The following ZFHX4 variants were observed in gnomAD, a reference collection of about 807,000 sequenced individuals.
The protein encoded by ZFHX4 is zinc finger homeobox 4, also known as zinc finger homeobox protein 4.
A neutral mutation model predicts 267.6 loss-of-function variants in ZFHX4; 56 were observed. The ratio of observed to expected loss-of-function variants is 0.21; its 90% CI spans 0.17 to 0.26. The LOEUF is 0.26. Ranked by LOEUF, ZFHX4 falls within the 10% of genes least tolerant of loss-of-function variation. The pLI is 1.00. For synonymous variants in ZFHX4, 1,778 were observed against 1,665.6 expected (o/e 1.07, Z -1.64); for missense variants, 4,332 against 4,420.0 (o/e 0.98, Z 0.56).
At chr8:76,783,486 TAA>T (rs1352302740) in intron 4 of ZFHX4, among the ~76,000 whole-genome samples, 1 of 152,016 alleles carries the variant, frequency 6.6e-6, no homozygotes, top group African/African-American at 2.4e-5. Context: ...TTTCTTTTTT[TAA>T]AAAAGTACAT....
chr8:76,768,138 G>A (rs11778332), intron 3 of ZFHX4, among the ~76,000 whole-genome samples: 43,860 of 151,996 alleles, frequency 0.29, 8,861 homozygotes, highest in African/African-American at 0.57. Flanking sequence ...GATTGTGAAC[G>A]AAGGCATGTA....
At chr8:76,769,460 C>T (rs1810201851) in intron 3 of ZFHX4, among the ~76,000 whole-genome samples, 3 of 152,048 alleles carry the variant, frequency 2.0e-5, no homozygotes, top group South Asian at 4.1e-4. Flanking sequence ...AGCGATCCTC[C>T]TACTTCAGCC....
At position 76,705,403 on chromosome 8, in the gene ZFHX4, A is replaced by G; in HGVS notation, c.1315A>G (p.Lys439Glu). 6.2e-7 allele frequency: 1 copy of G among 1,613,912 alleles called. No individual in the cohort carries two copies. Among genetic ancestry groups the G allele is most frequent in the Non-Finnish European group, 8.5e-7 (1 of 1,179,888 alleles). ...TGAGTCTAGCAAGATGTCAGAGAGC[A>G]AAGACCAAGAGAACAACTGTGAAAG... ...SSESSKMSESKDQENNCERPK... is the reference protein window; with the variant it reads ...SSESSKMSESEDQENNCERPK... The change falls in exon 2 of 11, where the codon AAA becomes GAA. Residue 439 changes from lysine (K) to glutamate (E), a missense_variant. Lys to Glu is a moderately conservative substitution (Grantham distance 56, BLOSUM62 1). Coordinates refer to ENST00000651372, the MANE Select transcript of ZFHX4 (RefSeq NM_024721.5).
chr8:76,825,013 T>C (rs530586888), intron 4 of ZFHX4, among the ~76,000 whole-genome samples: 117 of 152,332 alleles, frequency 7.7e-4, no homozygotes, highest in African/African-American at 2.5e-3. Flanking sequence ...TTTAGTCTTG[T>C]TAACATTTGC....
At chr8:76,810,053 G>A (rs1811337481) in intron 4 of ZFHX4, among the ~76,000 whole-genome samples, 1 of 152,132 alleles carries the variant, frequency 6.6e-6, no homozygotes, top group South Asian at 2.1e-4. Context: ...AACCTAAAGT[G>A]TAAATATTTG....
intron 3 of ZFHX4, among the ~76,000 whole-genome samples, chr8:76,742,866 G>A (rs912908941): frequency 3.9e-5 from 6 of 152,050 alleles, no homozygotes; most frequent in Non-Finnish European, 5.9e-5. Context: ...CTGACCTCCC[G>A]AGGTGTATTA....
chr8:76,718,763 GT>G (rs766742545), intron 3 of ZFHX4, among the ~76,000 whole-genome samples: 3 of 151,982 alleles, frequency 2.0e-5, no homozygotes, highest in East Asian at 1.9e-4. Flanking sequence ...CTATTGCTCA[GT>G]TTTTTTCCAC....
chr8:76,801,740 C>T (rs1811122509), intron 4 of ZFHX4, among the ~76,000 whole-genome samples: 2 of 152,044 alleles, frequency 1.3e-5, no homozygotes, highest in Admixed American at 1.3e-4. Flanking sequence ...CAAGGACTCA[C>T]GTGTATATAT....
At chr8:76,799,095 C>T (rs972941324) in intron 4 of ZFHX4, among the ~76,000 whole-genome samples, 14 of 152,252 alleles carry the variant, frequency 9.2e-5, no homozygotes, top group African/African-American at 3.1e-4. Context: ...TAATAACTTA[C>T]GAAGAAGTGT....
At chr8:76,823,339 C>T (rs186578423) in intron 4 of ZFHX4, among the ~76,000 whole-genome samples, 65 of 152,274 alleles carry the variant, frequency 4.3e-4, no homozygotes, top group Admixed American at 2.4e-3. Context: ...GCTGCTCACA[C>T]AGTCCAAAGA....
chr8:76,816,296 A>G (rs1431790538), intron 4 of ZFHX4, among the ~76,000 whole-genome samples: 1 of 152,208 alleles, frequency 6.6e-6, no homozygotes, highest in Non-Finnish European at 1.5e-5. Flanking sequence ...TTTCTCCTTG[A>G]TAGAACATTT....
intron 1 of ZFHX4, among the ~76,000 whole-genome samples, chr8:76,701,256 AG>A (rs1808095467): frequency 6.6e-6 from 1 of 152,074 alleles, no homozygotes; most frequent in Non-Finnish European, 1.5e-5. Context: ...CAATTTAGAG[AG>A]TTTTGTTATT....
intron 4 of ZFHX4, among the ~76,000 whole-genome samples, chr8:76,793,466 G>T: frequency 6.6e-6 from 1 of 152,106 alleles, no homozygotes; most frequent in Non-Finnish European, 1.5e-5. Context: ...AACGGTAAAT[G>T]GAATGAAATC....
chr8:76,783,292 C>T (rs1286557212), intron 4 of ZFHX4, among the ~76,000 whole-genome samples: 2 of 151,954 alleles, frequency 1.3e-5, no homozygotes, highest in Non-Finnish European at 2.9e-5. Flanking sequence ...TGGAGATGAA[C>T]AGCACTTGAC....
At chr8:76,797,980 G>A (rs185333471) in intron 4 of ZFHX4, among the ~76,000 whole-genome samples, 1 of 151,704 alleles carries the variant, frequency 6.6e-6, no homozygotes, top group East Asian at 1.9e-4. Context: ...AGTCTTCTAA[G>A]ATGTTGTCAG....
intron 4 of ZFHX4, among the ~76,000 whole-genome samples, chr8:76,797,574 A>G (rs778089787): frequency 3.9e-5 from 6 of 152,206 alleles, no homozygotes; most frequent in Non-Finnish European, 7.3e-5. Flanking sequence ...TTTAAGAAAC[A>G]TCTACTTTTA....
chr8:76,791,726 A>G (rs573009100), intron 4 of ZFHX4, among the ~76,000 whole-genome samples: 3 of 152,270 alleles, frequency 2.0e-5, no homozygotes, highest in East Asian at 1.9e-4. Flanking sequence ...CAGAGATTCT[A>G]TGTCTTCATC....
intron 3 of ZFHX4, among the ~76,000 whole-genome samples, chr8:76,724,510 T>C (rs1051465740): frequency 3.9e-5 from 6 of 152,072 alleles, no homozygotes; most frequent in Non-Finnish European, 7.4e-5. Context: ...AAAAATCTCA[T>C]GGCAGTAGGA....
chr8:76,845,366 A>G (rs1486834000), intron 6 of ZFHX4, among the ~76,000 whole-genome samples: 1 of 152,102 alleles, frequency 6.6e-6, no homozygotes, highest in Admixed American at 6.6e-5. Context: ...ATACATTTGC[A>G]TTGAAAATGT....
Sources: gnomAD v4.1 joint callset for allele counts (sites outside exome capture counted in the v4.1 genomes callset) on GRCh38, gnomAD v4.1.1 for gene constraint, MANE v1.5 for transcripts, NCBI Gene and HGNC (gene_info 2026-07-23, HGNC 2026-07-21) for gene names.